HERC1: variants seen among roughly 807,000 people sequenced by gnomAD.
HERC1 encodes HECT and RLD domain containing E3 ubiquitin protein ligase family member 1.
In HERC1, 160 loss-of-function variants were observed where a neutral mutation model predicts 554.3. The ratio of observed to expected loss-of-function variants is 0.29; its 90% confidence interval spans 0.25 to 0.33. The LOEUF (loss-of-function observed/expected upper bound fraction) is 0.33. Among genes scored for constraint, HERC1 ranks in the 10% least tolerant of loss-of-function variants. The pLI, the probability that HERC1 is intolerant of heterozygous loss-of-function variation, is 1.00. For missense variants in HERC1, 4,919 were observed against 5,918.5 expected, an observed-to-expected ratio of 0.83 and a Z score of 5.54; for synonymous variants, 2,175 against 2,131.7, an observed-to-expected ratio of 1.02 and a Z score of -0.56.
intron 22 of HERC1, 144 bp downstream of exon 22, chr15:63,716,158 G>C: frequency 1.4e-6 from 1 of 698,220 alleles, no homozygotes; most frequent in East Asian, 2.6e-5. Context: ...GCCCCTGTCA[G>C]CTAATACAAA....
rs560091433 is a variant in HERC1, at chr15:63,779,486, C to T, written c.-26-3837G>A. On this transcript the variant is annotated intron_variant, in intron 1 of 77. Coordinates refer to ENST00000443617, the MANE Select transcript of HERC1 (RefSeq NM_003922.4). ...ATGCAAGGAAACATAAATAGAAACA[C>T]TAATAACGTGAGACATGAATATACC... is the stretch of plus-strand genomic sequence containing the variant. The T allele has an allele frequency of 1.1e-4, 17 of 152,256 alleles. No individual in the cohort carries two copies. In the South Asian group the frequency reaches 2.7e-3, roughly 24 times the overall value. 9.4% of individuals were successfully genotyped at this position (152,256 alleles called of 1,614,324 possible).
intron 37 of HERC1, among the ~76,000 whole-genome samples, chr15:63,676,993 G>C (rs574112081): frequency 3.3e-5 from 5 of 152,314 alleles, no homozygotes; most frequent in Non-Finnish European, 7.4e-5. Flanking sequence ...AGGATCAGAA[G>C]TGTTCTGGAT....
intron 1 of HERC1, among the ~76,000 whole-genome samples, chr15:63,819,053 AAGCAC>A (rs2077595122): frequency 6.6e-6 from 1 of 152,208 alleles, no homozygotes; most frequent in South Asian, 2.1e-4. Flanking sequence ...TCGTAATGCC[AAGCAC>A]TTCTGCTTCC....
chr15:63,745,136 A>G (rs1235305705), intron 12 of HERC1, among the ~76,000 whole-genome samples: 13 of 152,146 alleles, frequency 8.5e-5, no homozygotes, highest in Admixed American at 8.5e-4. Context: ...GACACAAGAC[A>G]AAGTCCTGCC....
At chr15:63,808,210 G>T (rs2077191623) in intron 1 of HERC1, among the ~76,000 whole-genome samples, 1 of 151,604 alleles carries the variant, frequency 6.6e-6, no homozygotes, top group Non-Finnish European at 1.5e-5. Context: ...TGTTTTTAAT[G>T]ATTTTGTTTT....
Position 63,680,681 on chromosome 15 carries a change from A to G in HERC1, c.6321T>C (p.Asp2107=). ...VHDFNHRTTS[D]MWLYRAYSGN... is the part of the protein sequence containing the mutation. ...CACTGTAGGCCCTATAGAGCCACATATCCGAGGTAGTGCGGTGATTAAAGT... is the reference window on the plus strand; with the variant it reads ...CACTGTAGGCCCTATAGAGCCACATGTCCGAGGTAGTGCGGTGATTAAAGT... Residue 2107 remains aspartate, a synonymous_variant, in exon 35 of 78, where the codon GAT becomes GAC. Transcript: ENST00000443617. This position sits in a 1 kb window ranked among gnomAD's most constrained non-coding sequence, Gnocchi z 5.8. The G allele has an allele frequency of 6.2e-7, 1 of 1,613,936 alleles. No individual in the cohort carries two copies. The highest frequency in any genetic ancestry group is 8.5e-7 in the Non-Finnish European group (1 of 1,179,808).
chr15:63,671,373 T>TAA (rs35097725), intron 39 of HERC1, among the ~76,000 whole-genome samples: 11 of 141,926 alleles, frequency 7.8e-5, no homozygotes, highest in South Asian at 2.3e-4. Flanking sequence ...AGCTGTCTCT[T>TAA]AAAAAAAAAA....
At chr15:63,767,483 T>C (rs986019392) in intron 2 of HERC1, among the ~76,000 whole-genome samples, 2 of 152,070 alleles carry the variant, frequency 1.3e-5, no homozygotes, top group African/African-American at 4.8e-5. Context: ...GTGGATCATC[T>C]GAGGTCAGGA....
In HERC1 at chr15:63,772,658, A is replaced by G. The variant is rs183845049; in HGVS notation, c.930+2036T>C. Among the ~76,000 whole-genome samples, 5 of 152,168 alleles carry G rather than the reference A, an allele frequency of 3.3e-5. No homozygotes were observed. The East Asian group carries it at 7.7e-4, about 24-fold the overall frequency. On this transcript the variant is annotated intron_variant, in intron 2 of 77. Transcript: ENST00000443617. ...GCAAATGAGAGGATTTGAATATTGAATAAGAAAACACAAAGAGGCCTACAC... is the reference window on the plus strand; with the variant it reads ...GCAAATGAGAGGATTTGAATATTGAGTAAGAAAACACAAAGAGGCCTACAC...
At chr15:63,746,004 T>C (rs907169440) in intron 12 of HERC1, among the ~76,000 whole-genome samples, 14 of 152,158 alleles carry the variant, frequency 9.2e-5, no homozygotes, top group African/African-American at 2.7e-4. Context: ...ATCTCCTCAA[T>C]TGTTTTTCTG....
At position 63,666,024 on chromosome 15, in the gene HERC1, G is replaced by A. The variant is rs373111139; in HGVS notation, c.8450C>T (p.Ala2817Val). Residue 2817 changes from alanine to valine, a missense_variant, in exon 42 of 78, where the codon GCC becomes GTC. This residue lies in a region of HERC1 where 1,963 missense variants were observed against 2,228.6 expected (regional missense o/e 0.88). Transcript: ENST00000443617. ...GSTADSRPGAAVLGSGGKSND... is the reference protein window; with the variant it reads ...GSTADSRPGAVVLGSGGKSND... Reference sequence around the variant, plus strand: ...TGACTTCCCGCCACTGCCTAGAACGGCTGCTCCAGGCCTAGAGTCTGCTGT... The same window carrying A: ...TGACTTCCCGCCACTGCCTAGAACGACTGCTCCAGGCCTAGAGTCTGCTGT... The A allele has an allele frequency of 6.2e-7, 1 of 1,613,868 alleles. No individual in the cohort carries two copies. Among genetic ancestry groups the A allele is most frequent in the African/African-American group, 1.3e-5 (1 of 74,918 alleles).
Position 63,680,932 on chromosome 15 carries a change from C to T in HERC1, c.6226-156G>A, listed in dbSNP as rs1211783014. Among the ~76,000 whole-genome samples the T allele has an allele frequency of 6.6e-6, 1 of 152,026 alleles. No individual in the cohort carries two copies. Among genetic ancestry groups the T allele is most frequent in the Admixed American group, 6.6e-5 (1 of 15,256 alleles). ...TAAATAAAAATAACACGAAAATAAT[C>T]GCATCAATTTAGAAAGATTTTAAAA... On this transcript the variant is annotated intron_variant, in intron 34 of 77. Coordinates refer to ENST00000443617, the MANE Select transcript of HERC1 (RefSeq NM_003922.4). This position sits in a 1 kb window ranked among gnomAD's most constrained non-coding sequence, Gnocchi z 5.8.
At chr15:63,810,197 C>T (rs1043111538) in intron 1 of HERC1, among the ~76,000 whole-genome samples, 3 of 152,112 alleles carry the variant, frequency 2.0e-5, no homozygotes, top group South Asian at 2.1e-4. Flanking sequence ...AAAGCAGAGA[C>T]TCAAACAGAT....
chr15:63,630,655 A>G lies in HERC1; in HGVS notation c.12797-20T>C, dbSNP rs1323601472. On this transcript the variant is annotated intron_variant, in intron 68 of 77. Transcript: ENST00000443617. ...GGCGATCTGAAAAAAACAAAACAAA[A>G]ACATGTGGAAATGTTATGCACCACA... is the stretch of plus-strand genomic sequence containing the variant. The G allele has an allele frequency of 6.2e-7, 1 of 1,604,070 alleles. No individual in the cohort carries two copies. Among genetic ancestry groups the G allele is most frequent in the Non-Finnish European group, 8.5e-7 (1 of 1,175,008 alleles).
intron 34 of HERC1, among the ~76,000 whole-genome samples, chr15:63,681,028 C>T (rs1374491020): frequency 6.6e-6 from 1 of 152,098 alleles, no homozygotes; most frequent in Non-Finnish European, 1.5e-5. Context: ...GCAATTCTAA[C>T]TTACAACTTA....
rs898041915 is a variant in HERC1, at chr15:63,689,497, G to T, written c.6048+92C>A. 32 of 646,450 alleles carry T rather than the reference G, an allele frequency of 5.0e-5. No homozygotes were observed. In the Admixed American group the frequency reaches 9.3e-4, roughly 19 times the overall value. 40.0% of individuals were successfully genotyped at this position (646,450 alleles called of 1,614,324 possible). A position where few individuals can be genotyped will look rare whatever the true frequency, so the allele number is the denominator to read the frequency against. On this transcript the variant is annotated intron_variant, in intron 33 of 77. Coordinates refer to ENST00000443617, the MANE Select transcript of HERC1 (RefSeq NM_003922.4). ...GAGAGGAAATGGAATAAATGATAGA[G>T]CAAGGTGCCTCAGAGGAACAGGCAT... is the stretch of plus-strand genomic sequence containing the variant.
intron 1 of HERC1, among the ~76,000 whole-genome samples, chr15:63,784,667 G>C (rs539259979): frequency 3.3e-5 from 5 of 152,104 alleles, no homozygotes; most frequent in Admixed American, 3.3e-4. Flanking sequence ...GAGTGCAGTG[G>C]CGCAATCTCG....
rs1411528276 is a variant in HERC1, at chr15:63,649,777, A to G, written c.10695T>C (p.Val3565=). The G allele has an allele frequency of 4.3e-6, 7 of 1,613,758 alleles. No individual in the cohort carries two copies. Among genetic ancestry groups the G allele is most frequent in the Non-Finnish European group, 5.1e-6 (6 of 1,179,822 alleles). ...MDGSLGLIEV[V]DVSTMHRREL... ...CTCGACGGTGCATGGTGGACACATCAACAACTTCAATCAGTCCCAGAGATC... is the reference window on the plus strand; with the variant it reads ...CTCGACGGTGCATGGTGGACACATCGACAACTTCAATCAGTCCCAGAGATC... The change falls in exon 54 of 78, where the codon GTT becomes GTC. Residue 3565 remains valine (V), a synonymous_variant. Transcript: ENST00000443617.
chr15:63,637,718 C>T, intron 63 of HERC1, 75 bp from the exon 64 acceptor site: 4 of 1,198,628 alleles, frequency 3.3e-6, no homozygotes, highest in Non-Finnish European at 4.7e-6. Context: ...TGAAATGATT[C>T]CACGTATACA....
Sources: allele counts gnomAD v4.1 joint callset (sites outside exome capture counted in the v4.1 genomes callset), GRCh38; gene constraint gnomAD v4.1.1; regional missense constraint gnomAD v4.1.1; non-coding constraint Gnocchi (gnomAD v3.1); transcripts MANE v1.5; gene names NCBI Gene and HGNC (gene_info 2026-07-23, HGNC 2026-07-21).